Variants in FOXK1 observed in about 807,000 individuals in gnomAD.
FOXK1 encodes the protein forkhead box K1.
A neutral mutation model predicts 51.9 loss-of-function variants in FOXK1; 19 were observed. The observed-to-expected ratio is 0.37, with a 90% CI of 0.26 to 0.54. FOXK1 has a LOEUF of 0.54. Among genes scored for constraint, FOXK1 ranks in the 20% least tolerant of loss-of-function variants. The pLI is 0.87. For missense variants in FOXK1, 870 were observed against 1,032.7 expected, an observed-to-expected ratio of 0.84 and a Z score of 2.16; for synonymous variants, 537 against 482.6, an observed-to-expected ratio of 1.11 and a Z score of -1.48.
chr7:4,682,556 T>G lies in FOXK1; in HGVS notation c.248T>G (p.Val83Gly), dbSNP rs1393305784. 4 of 1,166,002 alleles carry G rather than the reference T, an allele frequency of 3.4e-6. No individual in the cohort carries two copies. The highest frequency in any genetic ancestry group is 4.2e-6 in the Non-Finnish European group (4 of 949,150). 72.2% of individuals were successfully genotyped at this position (1,166,002 alleles called of 1,614,324 possible). Residue 83 changes from valine (V) to glycine (G), a missense_variant, in exon 1 of 9, where the codon GTC becomes GGC. Physicochemically the swap from Val to Gly is moderately radical, Grantham distance 109. Coordinates refer to ENST00000328914, the MANE Select transcript of FOXK1 (RefSeq NM_001037165.2). This position sits in a 1 kb window ranked among gnomAD's most constrained non-coding sequence, Gnocchi z 7.6. ...TCCGGGGTATCCGGGGACTCCGCGG[T>G]CGCGGGCGCGGCGCCGGCCCTGGTG... ...GSSGVSGDSA[V>G]AGAAPALVAA... is the part of the protein sequence containing the mutation.
rs530292801 is a variant in FOXK1 at position 4,770,930 on chromosome 7, T to G, written c.*8466T>G. On this transcript the variant is annotated 3_prime_UTR_variant, in exon 9 of 9. Coordinates refer to ENST00000328914, the MANE Select transcript of FOXK1 (RefSeq NM_001037165.2). ...TTTTTTTTTTACAGTGGCGCCTGTC[T>G]AAAGTATTTTTCACAACATGTTTGA... 3.7e-4 allele frequency: 54 copies of G among 146,918 alleles called. No individual in the cohort carries two copies. The highest frequency in any genetic ancestry group is 1.3e-3 in the African/African-American group (49 of 37,238). 9.1% of individuals were successfully genotyped at this position (146,918 alleles called of 1,614,324 possible). A position where few individuals can be genotyped will look rare whatever the true frequency, so the allele number is the denominator to read the frequency against.
rs556909117 is a variant in FOXK1 at position 4,685,022 on chromosome 7, C to A, written c.560+2154C>A. On this transcript the variant is annotated intron_variant, in intron 1 of 8. Coordinates refer to ENST00000328914, the MANE Select transcript of FOXK1 (RefSeq NM_001037165.2). Reference sequence around the variant, plus strand: ...TGGGGCTGTCAGGCTACACAGATGCCCGCCCGCTGACTTGGTGCATTAGAT... The same window carrying A: ...TGGGGCTGTCAGGCTACACAGATGCACGCCCGCTGACTTGGTGCATTAGAT... Among the ~76,000 whole-genome samples the A allele has an allele frequency of 3.3e-5, 5 of 151,750 alleles. No individual in the cohort carries two copies. In the East Asian group the frequency reaches 9.7e-4, roughly 29 times the overall value.
At chr7:4,685,525 C>CTTTTTTTTTTTTTTTTTTTT (rs79117434) in intron 1 of FOXK1, among the ~76,000 whole-genome samples, 1 of 134,900 alleles carries the variant, frequency 7.4e-6, no homozygotes. Context: ...CCCGGCCTCA[C>CTTTTTTTTTTTTTTTTTTTT]TTTTTTTTTT....
Position 4,715,898 on chromosome 7 carries a change from T to C in FOXK1, c.561-24940T>C, listed in dbSNP as rs995810651. ...GGATGGCCGTTGCTGAACTTCAACATTGGCCACCAATATCTGCTGTCTGTG... is the reference window on the plus strand; with the variant it reads ...GGATGGCCGTTGCTGAACTTCAACACTGGCCACCAATATCTGCTGTCTGTG... On this transcript the variant is annotated intron_variant, in intron 1 of 8. Transcript: ENST00000328914. This position sits in a 1 kb window ranked among gnomAD's most constrained non-coding sequence, Gnocchi z 4.5. 6.6e-6 allele frequency among the ~76,000 whole-genome samples: 1 copy of C among 152,194 alleles called. No individual in the cohort carries two copies. Among genetic ancestry groups the C allele is most frequent in the African/African-American group, 2.4e-5 (1 of 41,454 alleles).
rs1171629533 is a variant in FOXK1 at position 4,734,745 on chromosome 7, G to C, written c.561-6093G>C. Among the ~76,000 whole-genome samples, 1 of 152,210 alleles carries C rather than the reference G, an allele frequency of 6.6e-6. No homozygotes were observed. The highest frequency in any genetic ancestry group is 6.5e-5 in the Admixed American group (1 of 15,276). On this transcript the variant is annotated intron_variant, in intron 1 of 8. Transcript: ENST00000328914. The surrounding 1 kb of genome is among the most constrained non-coding windows in gnomAD (Gnocchi z 5.2). ...CCTCTGGTCCTCCTGCAGAATTTCA[G>C]GTCGCAAGGCTATTTTTGGCGTGAG...
rs1372607161 is a variant in FOXK1, at chr7:4,766,459, C to T, written c.*3995C>T. 4 of 152,204 alleles carry T rather than the reference C, an allele frequency of 2.6e-5. No homozygotes were observed. Among genetic ancestry groups the T allele is most frequent in the African/African-American group, 4.8e-5 (2 of 41,450 alleles). 9.4% of individuals were successfully genotyped at this position (152,204 alleles called of 1,614,324 possible). A position where few individuals can be genotyped will look rare whatever the true frequency, so the allele number is the denominator to read the frequency against. Reference sequence around the variant, plus strand: ...ACCTGCCGCCCCTCACTTTCCTTCCCGAGGTCTGGTAGGTCCTCTTTGGGA... The same window carrying T: ...ACCTGCCGCCCCTCACTTTCCTTCCTGAGGTCTGGTAGGTCCTCTTTGGGA... On this transcript the variant is annotated 3_prime_UTR_variant, in exon 9 of 9. Coordinates refer to ENST00000328914, the MANE Select transcript of FOXK1 (RefSeq NM_001037165.2). This position sits in a 1 kb window ranked among gnomAD's most constrained non-coding sequence, Gnocchi z 5.5.
In FOXK1 at chr7:4,715,038, A is replaced by G. The variant is rs1308314059; in HGVS notation, c.561-25800A>G. Among the ~76,000 whole-genome samples, 2 of 152,178 alleles carry G rather than the reference A, an allele frequency of 1.3e-5. No homozygotes were observed. The highest frequency in any genetic ancestry group is 2.9e-5 in the Non-Finnish European group (2 of 68,034). ...CACACCAGCGACAATCAGAGGTTAC[A>G]TAGGCTTGGGGCGTAGCTTTTCTGA... On this transcript the variant is annotated intron_variant, in intron 1 of 8. Coordinates refer to ENST00000328914, the MANE Select transcript of FOXK1 (RefSeq NM_001037165.2). The surrounding 1 kb of genome is among the most constrained non-coding windows in gnomAD (Gnocchi z 4.5).
chr7:4,719,140 G>C (rs78731393), intron 1 of FOXK1, among the ~76,000 whole-genome samples: 8 of 80,486 alleles, frequency 9.9e-5, no homozygotes, highest in Non-Finnish European at 2.8e-4. Context: ...TGTTTGTTTT[G>C]TTTGTTTGTT....
chr7:4,696,780 C>T (rs1458563233), intron 1 of FOXK1, among the ~76,000 whole-genome samples: 1 of 152,144 alleles, frequency 6.6e-6, no homozygotes, highest in East Asian at 1.9e-4. Flanking sequence ...GAAAATGCCT[C>T]CTTCGGGCCA....
At chr7:4,721,594 T>C (rs553218852) in intron 1 of FOXK1, among the ~76,000 whole-genome samples, 4 of 143,106 alleles carry the variant, frequency 2.8e-5, no homozygotes, top group South Asian at 2.3e-4. Context: ...TTTTTCTTTT[T>C]TTTTTTTTTT....
At chr7:4,744,622 G>A (rs1194783367) in intron 2 of FOXK1, among the ~76,000 whole-genome samples, 3 of 152,260 alleles carry the variant, frequency 2.0e-5, no homozygotes, top group South Asian at 2.1e-4. Flanking sequence ...ATTGTGTACT[G>A]AGCACCTGAA....
At chr7:4,712,763 G>C (rs2115042232) in intron 1 of FOXK1, among the ~76,000 whole-genome samples, 1 of 152,314 alleles carries the variant, frequency 6.6e-6, no homozygotes, top group Admixed American at 6.5e-5. Context: ...ATGCTGCAGA[G>C]TGTGTTCAAA....
At position 4,702,592 on chromosome 7, in the gene FOXK1, G is replaced by A. The variant is rs187138189; in HGVS notation, c.560+19724G>A. On this transcript the variant is annotated intron_variant, in intron 1 of 8. Coordinates refer to ENST00000328914, the MANE Select transcript of FOXK1 (RefSeq NM_001037165.2). The stretch of plus-strand genomic sequence containing the variant: ...ACTCCTGACCTCAGGTGATCCCACC[G>A]GCCTTGGCCTCCCAAAGTGCTGGGA... Among the ~76,000 whole-genome samples, 288 of 152,190 alleles carry A rather than the reference G, an allele frequency of 1.9e-3. 3 individuals carry two copies. The highest frequency in any genetic ancestry group is 0.015 in the Admixed American group (234 of 15,286).
chr7:4,701,949 C>T (rs899005392), intron 1 of FOXK1, among the ~76,000 whole-genome samples: 2 of 152,032 alleles, frequency 1.3e-5, no homozygotes, highest in Non-Finnish European at 2.9e-5. Context: ...GTGGTGCTTG[C>T]CTGTACTCGC....
Position 4,761,888 on chromosome 7 carries a change from TCAGGG to T in FOXK1, c.1922-292_1922-288del, listed in dbSNP as rs1780937189. Among the ~76,000 whole-genome samples the T allele has an allele frequency of 6.6e-6, 1 of 151,808 alleles. No individual in the cohort carries two copies. Among genetic ancestry groups the T allele is most frequent in the South Asian group, 2.1e-4 (1 of 4,802 alleles). On this transcript the variant is annotated intron_variant, in intron 8 of 8. Coordinates refer to ENST00000328914, the MANE Select transcript of FOXK1 (RefSeq NM_001037165.2). This position sits in a 1 kb window ranked among gnomAD's most constrained non-coding sequence, Gnocchi z 6.2. Reference sequence around the variant, plus strand: ...CCGGGCGCATTGTCAGTGGGGTGGCTCAGGGCAGTGCATCTGTGTAAAGGAGTGAG... The same window carrying T: ...CCGGGCGCATTGTCAGTGGGGTGGCTCAGTGCATCTGTGTAAAGGAGTGAG...
intron 1 of FOXK1, among the ~76,000 whole-genome samples, chr7:4,726,138 T>A (rs1345332366): frequency 6.6e-6 from 1 of 152,120 alleles, no homozygotes; most frequent in Non-Finnish European, 1.5e-5. Flanking sequence ...GGGAAAGTCT[T>A]AAAATAAATA....
In FOXK1 at chr7:4,762,566, G is replaced by C. The variant is rs1780950238; in HGVS notation, c.*102G>C. On this transcript the variant is annotated 3_prime_UTR_variant, in exon 9 of 9. Coordinates refer to ENST00000328914, the MANE Select transcript of FOXK1 (RefSeq NM_001037165.2). This position sits in a 1 kb window ranked among gnomAD's most constrained non-coding sequence, Gnocchi z 5.7. The stretch of plus-strand genomic sequence containing the variant: ...ACCCACAGACGGAGGAGAACAGCCC[G>C]CGGCGGCCTGTGGGCATCGGCGGCA... 14 of 1,243,930 alleles carry C rather than the reference G, an allele frequency of 1.1e-5. No individual in the cohort carries two copies. Among genetic ancestry groups the C allele is most frequent in the South Asian group, 1.5e-5 (1 of 65,104 alleles). The allele number at this position is 1,243,930 out of a possible 1,614,324, so 77.1% of individuals were successfully genotyped here. A position where few individuals can be genotyped will look rare whatever the true frequency, so the allele number is the denominator to read the frequency against.
At chr7:4,712,959 G>A (rs961319273) in intron 1 of FOXK1, among the ~76,000 whole-genome samples, 5 of 151,998 alleles carry the variant, frequency 3.3e-5, no homozygotes, top group South Asian at 2.1e-4. Flanking sequence ...AACTCCAAAC[G>A]AGATTTCATT....
intron 1 of FOXK1, among the ~76,000 whole-genome samples, chr7:4,694,095 C>G (rs1417224019): frequency 6.6e-6 from 1 of 152,110 alleles, no homozygotes; most frequent in African/African-American, 2.4e-5. Flanking sequence ...CTATGTTGCC[C>G]AGGCTGGTCT....
Sources: gnomAD v4.1 joint callset for allele counts (sites outside exome capture counted in the v4.1 genomes callset) on GRCh38, gnomAD v4.1.1 for gene constraint, Gnocchi (gnomAD v3.1) non-coding constraint, MANE v1.5 for transcripts, NCBI Gene and HGNC (gene_info 2026-07-23, HGNC 2026-07-21) for gene names.